NUP210: variants seen among roughly 807,000 people sequenced by gnomAD.
The protein encoded by NUP210 is nuclear pore membrane glycoprotein 210.
Under a neutral mutation model 196.0 loss-of-function variants are expected in NUP210, and 151 were observed. The ratio of observed to expected loss-of-function variants is 0.77; its 90% CI spans 0.67 to 0.88. The LOEUF (loss-of-function observed/expected upper bound fraction) is 0.88, where lower values mean the gene tolerates loss of function less well. Ranked by LOEUF, NUP210 falls within the 40% of genes least tolerant of loss-of-function variation. The pLI is 0.00. For missense variants in NUP210, 2,314 were observed against 2,493.7 expected (o/e 0.93, Z 1.53); for synonymous variants, 1,070 against 1,052.7 (o/e 1.02, Z -0.32).
At chr3:13,383,742 T>A (rs564161016) in intron 6 of NUP210, among the ~76,000 whole-genome samples, 86 of 152,152 alleles carry the variant, frequency 5.7e-4, no homozygotes, top group African/African-American at 2.0e-3. Flanking sequence ...TTAGCCAGGA[T>A]GGTCTCGATT....
chr3:13,318,116 G>A (rs1461309088), intron 39 of NUP210, among the ~76,000 whole-genome samples: 1 of 152,198 alleles, frequency 6.6e-6, no homozygotes, highest in East Asian at 1.9e-4. Context: ...GGGCAAGAGC[G>A]CCACAGGAAC....
chr3:13,333,096 G>A (rs1303328797), intron 28 of NUP210, among the ~76,000 whole-genome samples: 1 of 152,166 alleles, frequency 6.6e-6, no homozygotes, highest in African/African-American at 2.4e-5. Flanking sequence ...ACACACACAG[G>A]GGCCTGGTGA....
chr3:13,366,363 C>T (rs1463015636), intron 13 of NUP210, among the ~76,000 whole-genome samples: 1 of 152,008 alleles, frequency 6.6e-6, no homozygotes, highest in African/African-American at 2.4e-5. Context: ...AACTCCTGAC[C>T]TCAAGTGATC....
At chr3:13,378,861 TATA>T in intron 8 of NUP210, 48 bp downstream of exon 8, 1 of 1,327,764 alleles carries the variant, frequency 7.5e-7, no homozygotes, top group Admixed American at 1.7e-5. Flanking sequence ...TTTAAACTCA[TATA>T]GTCACAACTG....
Position 13,319,114 on chromosome 3 carries a change from C to T in NUP210, c.5521G>A (p.Ala1841Thr). The stretch of plus-strand genomic sequence containing the variant: ...GGGCTGGCTCGAGGCGTGAGGGCTG[C>T]AGGCACAGCAAGATCCCGGGGCGTG... ...VCTPRDLAVPAALTPRASPGH... is the reference protein window; with the variant it reads ...VCTPRDLAVPTALTPRASPGH... Residue 1841 changes from alanine (A) to threonine (T), a missense_variant, in exon 39 of 40, where the codon GCA becomes ACA. Ala to Thr is a moderately conservative substitution (Grantham distance 58). Coordinates refer to ENST00000254508, the MANE Select transcript of NUP210 (RefSeq NM_024923.4). 1 of 1,609,026 alleles carries T rather than the reference C, an allele frequency of 6.2e-7. No homozygotes were observed.
Position 13,350,770 on chromosome 3 carries a change from T to C in NUP210, c.2835+1109A>G, listed in dbSNP as rs1443316669. ...GTGCAGTGGCGCAATCTTGGCTCAC[T>C]GCAAGCTCCACCCGCTGGGTTCACG... On this transcript the variant is annotated intron_variant, in intron 20 of 39. Transcript: ENST00000254508. This position sits in a 1 kb window ranked among gnomAD's most constrained non-coding sequence, Gnocchi z 4.1. Among the ~76,000 whole-genome samples the C allele has an allele frequency of 2.0e-5, 3 of 149,748 alleles. No homozygotes were observed. The highest frequency in any genetic ancestry group is 4.4e-5 in the Non-Finnish European group (3 of 67,578).
At chr3:13,399,342 A>G (rs1044792370) in intron 2 of NUP210, among the ~76,000 whole-genome samples, 5 of 152,006 alleles carry the variant, frequency 3.3e-5, no homozygotes, top group Non-Finnish European at 7.4e-5. Context: ...GAAAAGCATG[A>G]TAGAAAATTA....
intron 3 of NUP210, among the ~76,000 whole-genome samples, 184 bp from the exon 4 acceptor site, chr3:13,391,491 T>C (rs1333090172): frequency 6.6e-6 from 1 of 151,628 alleles, no homozygotes; most frequent in Non-Finnish European, 1.5e-5. Context: ...CACTTACTCA[T>C]GGTCATGTGA....
intron 1 of NUP210, among the ~76,000 whole-genome samples, chr3:13,416,820 C>T (rs887771306): frequency 2.0e-5 from 3 of 152,272 alleles, no homozygotes; most frequent in Admixed American, 6.5e-5. Context: ...CCCAAATAAC[C>T]AGGTTCAAGG....
rs369105199 is a variant in NUP210 at position 13,349,478 on chromosome 3, C to T, written c.2835+2401G>A. The stretch of plus-strand genomic sequence containing the variant: ...CGGCACCCGTGAGAATACTGGGGCC[C>T]GGCTGCCCTTCCCTGGCTCATGGGG... On this transcript the variant is annotated intron_variant, in intron 20 of 39. Transcript: ENST00000254508. Among the ~76,000 whole-genome samples, 30 of 152,306 alleles carry T rather than the reference C, an allele frequency of 2.0e-4. 1 individual carries two copies. In the South Asian group the frequency reaches 2.5e-3, roughly 13 times the overall value.
At chr3:13,333,108 G>A (rs1259228748) in intron 28 of NUP210, among the ~76,000 whole-genome samples, 1 of 152,198 alleles carries the variant, frequency 6.6e-6, no homozygotes, top group East Asian at 1.9e-4. Context: ...GCCTGGTGAG[G>A]AGCTCAGTCC....
intron 9 of NUP210, 147 bp from the exon 10 acceptor site, chr3:13,376,578 CG>C: frequency 2.6e-6 from 2 of 773,146 alleles, no homozygotes; most frequent in Non-Finnish European, 4.2e-6. Context: ...TAGCAGCAGA[CG>C]GGTGGGCTGG....
intron 21 of NUP210, 150 bp from the exon 22 acceptor site, chr3:13,342,273 C>T (rs1697542064): frequency 1.1e-6 from 1 of 915,674 alleles, no homozygotes; most frequent in African/African-American, 1.7e-5. Flanking sequence ...TCTGGACTAT[C>T]AGCCAGTCAG....
chr3:13,393,885 T>C (rs1238388786), intron 3 of NUP210, among the ~76,000 whole-genome samples: 4 of 152,220 alleles, frequency 2.6e-5, no homozygotes, highest in Non-Finnish European at 4.4e-5. Flanking sequence ...TCCCCTGTCC[T>C]GCAGGACAGC....
chr3:13,372,768 C>G (rs907198676), intron 12 of NUP210, among the ~76,000 whole-genome samples: 3 of 152,198 alleles, frequency 2.0e-5, no homozygotes, highest in Non-Finnish European at 4.4e-5. Context: ...TCCCTTACAG[C>G]ATGCTGGGTC....
chr3:13,355,908 A>G (rs1423200704), intron 16 of NUP210, among the ~76,000 whole-genome samples: 1 of 152,228 alleles, frequency 6.6e-6, no homozygotes, highest in African/African-American at 2.4e-5. Flanking sequence ...ATTTGAGGCA[A>G]CAACATAAGC....
intron 6 of NUP210, among the ~76,000 whole-genome samples, chr3:13,380,268 G>A (rs1217334052): frequency 6.6e-6 from 1 of 152,176 alleles, no homozygotes; most frequent in African/African-American, 2.4e-5. Flanking sequence ...TCCCCGAGAA[G>A]TAAGAGTTCT....
chr3:13,377,049 T>C (rs1698935413), intron 9 of NUP210, among the ~76,000 whole-genome samples: 1 of 152,160 alleles, frequency 6.6e-6, no homozygotes, highest in Non-Finnish European at 1.5e-5. Context: ...CAGGTATTTC[T>C]GGAACCCAGT....
intron 6 of NUP210, among the ~76,000 whole-genome samples, chr3:13,385,687 C>T (rs947845329): frequency 7.9e-5 from 12 of 152,188 alleles, no homozygotes; most frequent in African/African-American, 2.7e-4. Context: ...GCATATACCC[C>T]AAAGAATTTG....
Sources: gnomAD v4.1 joint callset for allele counts (sites outside exome capture counted in the v4.1 genomes callset) on GRCh38, gnomAD v4.1.1 for gene constraint, Gnocchi (gnomAD v3.1) non-coding constraint, MANE v1.5 for transcripts, NCBI Gene and HGNC (gene_info 2026-07-23, HGNC 2026-07-21) for gene names.